GAP43: variants seen among roughly 807,000 people sequenced by gnomAD.
The protein encoded by GAP43 is growth associated protein 43.
In GAP43, 6 loss-of-function variants were observed where a neutral mutation model predicts 18.6. That is an observed-to-expected ratio of 0.32 (90% CI 0.18 to 0.64). The LOEUF (loss-of-function observed/expected upper bound fraction) is 0.64, where lower values mean the gene tolerates loss of function less well. Ranked by LOEUF, GAP43 falls within the 30% of genes least tolerant of loss-of-function variation. The pLI is 0.78. For synonymous variants in GAP43, 115 were observed against 111.4 expected (o/e 1.03, Z -0.20); for missense variants, 292 against 295.5 (o/e 0.99, Z 0.09).
Position 115,716,739 on chromosome 3 carries a change from TATA to T in GAP43, c.629-4054_629-4052del, listed in dbSNP as rs1467179709. Among the ~76,000 whole-genome samples, 7 of 113,436 alleles carry T rather than the reference TATA, an allele frequency of 6.2e-5. 1 individual carries two copies. Among genetic ancestry groups the T allele is most frequent in the African/African-American group, 2.5e-4 (7 of 27,718 alleles). 74.4% of individuals were successfully genotyped at this position (113,436 alleles called of 152,430 possible). ...ACAAATATATATATATATATATATA[TATA>T]TATATATATATATATATATATATAT... On this transcript the variant is annotated intron_variant, in intron 2 of 2. Coordinates refer to ENST00000305124, the MANE Select transcript of GAP43 (RefSeq NM_002045.4).
intron 2 of GAP43, among the ~76,000 whole-genome samples, chr3:115,707,187 TAAC>T (rs1175747889): frequency 6.6e-6 from 1 of 152,224 alleles, no homozygotes; most frequent in Non-Finnish European, 1.5e-5. Context: ...TTAATTGTCA[TAAC>T]AACCCCATGA....
At chr3:115,624,863 TAC>T (rs1708165849) in intron 1 of GAP43, among the ~76,000 whole-genome samples, 1 of 146,088 alleles carries the variant, frequency 6.8e-6, no homozygotes, top group Non-Finnish European at 1.5e-5. Flanking sequence ...GGGTGTGGGA[TAC>T]GGGTGAGTGT....
At chr3:115,716,221 T>C (rs960561421) in intron 2 of GAP43, among the ~76,000 whole-genome samples, 3 of 152,198 alleles carry the variant, frequency 2.0e-5, no homozygotes, top group African/African-American at 7.2e-5. Context: ...ACTGCAATGA[T>C]TTATCTAGGG....
intron 1 of GAP43, among the ~76,000 whole-genome samples, chr3:115,659,832 A>G (rs375842144): frequency 7.2e-5 from 11 of 152,162 alleles, no homozygotes; most frequent in African/African-American, 2.7e-4. Context: ...TTCTTTTTAA[A>G]TAGGTTGAAG....
intron 1 of GAP43, among the ~76,000 whole-genome samples, chr3:115,631,332 T>C (rs1200284914): frequency 6.6e-6 from 1 of 152,230 alleles, no homozygotes; most frequent in Non-Finnish European, 1.5e-5. Context: ...TTAACCTTTC[T>C]GAGCCTAGTA....
At chr3:115,685,551 T>C (rs977343797) in intron 2 of GAP43, among the ~76,000 whole-genome samples, 3 of 152,226 alleles carry the variant, frequency 2.0e-5, no homozygotes, top group Non-Finnish European at 4.4e-5. Context: ...ACATAATTTG[T>C]GTACAGCCTG....
At chr3:115,716,169 A>G (rs1709500055) in intron 2 of GAP43, among the ~76,000 whole-genome samples, 1 of 152,354 alleles carries the variant, frequency 6.6e-6, no homozygotes, top group Non-Finnish European at 1.5e-5. Context: ...TAGAACAGGT[A>G]AGAAAATGTA....
At chr3:115,652,356 CTTTT>C (rs71141831) in intron 1 of GAP43, among the ~76,000 whole-genome samples, 40 of 43,786 alleles carry the variant, frequency 9.1e-4, no homozygotes, top group South Asian at 5.1e-3. Flanking sequence ...ATCCAGCATT[CTTTT>C]TTTTTTTTTT....
chr3:115,663,278 T>C (rs1234931714), intron 1 of GAP43, among the ~76,000 whole-genome samples: 1 of 152,202 alleles, frequency 6.6e-6, no homozygotes, highest in Non-Finnish European at 1.5e-5. Context: ...TAAAAAGCAA[T>C]GTTTAATTCA....
At chr3:115,625,124 G>A (rs1037704106) in intron 1 of GAP43, among the ~76,000 whole-genome samples, 1 of 152,008 alleles carries the variant, frequency 6.6e-6, no homozygotes, top group African/African-American at 2.4e-5. Flanking sequence ...AGGAAGGGTG[G>A]GGAGTGAGGA....
At chr3:115,680,834 T>G (rs1236184154) in intron 2 of GAP43, among the ~76,000 whole-genome samples, 2 of 152,216 alleles carry the variant, frequency 1.3e-5, no homozygotes, top group Non-Finnish European at 2.9e-5. Flanking sequence ...AAAAAATTAT[T>G]TATGTTTCCC....
intron 1 of GAP43, among the ~76,000 whole-genome samples, chr3:115,629,636 C>A (rs996479135): frequency 1.3e-5 from 2 of 152,122 alleles, no homozygotes; most frequent in South Asian, 2.1e-4. Context: ...TCACTTATTG[C>A]ACTATTTGAC....
Position 115,687,113 on chromosome 3 carries a change from CT to C in GAP43, c.628+10504del, listed in dbSNP as rs1356397509. 1.1e-3 allele frequency among the ~76,000 whole-genome samples: 14 copies of C among 12,712 alleles called. No individual in the cohort carries two copies. In the East Asian group the frequency reaches 0.037, roughly 34 times the overall value. 8.3% of individuals were successfully genotyped at this position (12,712 alleles called of 152,430 possible). A position where few individuals can be genotyped will look rare whatever the true frequency, so the allele number is the denominator to read the frequency against. On this transcript the variant is annotated intron_variant, in intron 2 of 2. Coordinates refer to ENST00000305124, the MANE Select transcript of GAP43 (RefSeq NM_002045.4). ...GACTGAAGATGTCCTGAAATCCCCC[CT>C]CTTTTTTTTTTTTTGCATCTATCCC...
intron 1 of GAP43, chr3:115,661,364 A>G (rs1708656721): frequency 6.6e-6 from 1 of 152,238 alleles, no homozygotes; most frequent in Admixed American, 6.5e-5. Flanking sequence ...AGCTGCTAAG[A>G]TATAACTGGG....
In GAP43 at chr3:115,688,662, T is replaced by C. The variant is rs193060560; in HGVS notation, c.628+12052T>C. Among the ~76,000 whole-genome samples, 189 of 152,318 alleles carry C rather than the reference T, an allele frequency of 1.2e-3. 1 individual carries two copies. Among genetic ancestry groups the C allele is most frequent in the Admixed American group, 0.011 (165 of 15,304 alleles). Reference sequence around the variant, plus strand: ...GCCTGGGCAATGGGGCCAATTCTTATTTAACTCCGCGGACTGACATCCTAA... The same window carrying C: ...GCCTGGGCAATGGGGCCAATTCTTACTTAACTCCGCGGACTGACATCCTAA... On this transcript the variant is annotated intron_variant, in intron 2 of 2. Transcript: ENST00000305124.
chr3:115,709,087 T>C (rs1709403236), intron 2 of GAP43, among the ~76,000 whole-genome samples: 1 of 152,086 alleles, frequency 6.6e-6, no homozygotes, highest in South Asian at 2.1e-4. Flanking sequence ...AAAGCAGCAC[T>C]GTCATTCAGA....
rs1229930366 is a variant in GAP43 at position 115,651,873 on chromosome 3, CT to C, written c.31-24139del. 2.0e-5 allele frequency among the ~76,000 whole-genome samples: 3 copies of C among 152,258 alleles called. No individual in the cohort carries two copies. In the East Asian group the frequency reaches 5.8e-4, roughly 29 times the overall value. ...TTAGGATCCTCTCTATTCTTGGCCCCTGTTCTGGCCCTCTTCAATTGTTACT... is the reference window on the plus strand; with the variant it reads ...TTAGGATCCTCTCTATTCTTGGCCCCGTTCTGGCCCTCTTCAATTGTTACT... On this transcript the variant is annotated intron_variant, in intron 1 of 2. Transcript: ENST00000305124.
At chr3:115,691,519 A>AACAC (rs1234911928) in intron 2 of GAP43, among the ~76,000 whole-genome samples, 19 of 152,232 alleles carry the variant, frequency 1.2e-4, no homozygotes, top group African/African-American at 4.6e-4. Flanking sequence ...TATTTTATTG[A>AACAC]ACACACAGTA....
chr3:115,696,584 C>CA (rs1413792869), intron 2 of GAP43, among the ~76,000 whole-genome samples: 2 of 120,750 alleles, frequency 1.7e-5, no homozygotes, highest in Admixed American at 1.7e-4. Flanking sequence ...CACCGCCCCC[C>CA]CCCCCCACAA....
Sources: allele counts gnomAD v4.1 joint callset (sites outside exome capture counted in the v4.1 genomes callset), GRCh38; gene constraint gnomAD v4.1.1; transcripts MANE v1.5; gene names NCBI Gene and HGNC (gene_info 2026-07-23, HGNC 2026-07-21).